The following GLRA2 variants were observed in gnomAD, a reference collection of about 807,000 sequenced individuals.
GLRA2 encodes glycine receptor subunit alpha-2.
In GLRA2, 11 loss-of-function variants were observed where a neutral mutation model predicts 31.6. That is an observed-to-expected ratio of 0.35 (90% confidence interval 0.22 to 0.58). The LOEUF (loss-of-function observed/expected upper bound fraction) is 0.58. Among genes scored for constraint, GLRA2 ranks in the 20% least tolerant of loss-of-function variants. GLRA2 has a pLI of 0.84. For missense variants in GLRA2, 212 were observed against 351.8 expected, an observed-to-expected ratio of 0.60 and a Z score of 3.18; for synonymous variants, 132 against 134.0, an observed-to-expected ratio of 0.99 and a Z score of 0.10.
chrX:14,681,511 T>C (rs951697331), intron 7 of GLRA2, among the ~76,000 whole-genome samples: 1 of 111,188 alleles, frequency 9.0e-6, no homozygotes, highest in Non-Finnish European at 1.9e-5. Flanking sequence ...GTGCTGGTGA[T>C]ACAAAGTAAT....
the GLRA2 span, among the ~76,000 whole-genome samples, chrX:14,507,088 A>G: frequency 8.9e-6 from 1 of 112,127 alleles, no homozygotes; most frequent in Non-Finnish European, 1.9e-5. Flanking sequence ...ATTACCTAGT[A>G]CCTGACTCAT....
At chrX:14,518,610 T>G in the GLRA2 span, among the ~76,000 whole-genome samples, 174 of 111,281 alleles carry the variant, frequency 1.6e-3, no homozygotes, top group Middle Eastern at 4.6e-3. Context: ...CTCATTCAAT[T>G]TATGTACTGT....
intron 8 of GLRA2, among the ~76,000 whole-genome samples, chrX:14,724,408 C>G (rs774881295): frequency 9.2e-6 from 1 of 109,076 alleles, no homozygotes; most frequent in African/African-American, 3.3e-5. Context: ...GGTGCATCAC[C>G]GGAAGTCAGG....
chrX:14,460,201 C>T, the GLRA2 span, among the ~76,000 whole-genome samples: 1 of 111,706 alleles, frequency 9.0e-6, no homozygotes, highest in Non-Finnish European at 1.9e-5. Flanking sequence ...TTGTACCAGC[C>T]TTGTATCCCA....
At chrX:14,633,248 C>T (rs191658377) in intron 7 of GLRA2, among the ~76,000 whole-genome samples, 4 of 111,993 alleles carry the variant, frequency 3.6e-5, no homozygotes. Flanking sequence ...ATAATCCCAG[C>T]ACTTTGGGAG....
At chrX:14,722,219 G>T (rs1415930925) in intron 8 of GLRA2, among the ~76,000 whole-genome samples, 1 of 111,914 alleles carries the variant, frequency 8.9e-6, no homozygotes, top group Non-Finnish European at 1.9e-5. Flanking sequence ...GTGGTTCGGG[G>T]TCTCTCCTCT....
chrX:14,609,791 C>T (rs2090378630), intron 7 of GLRA2, among the ~76,000 whole-genome samples: 1 of 110,542 alleles, frequency 9.0e-6, no homozygotes, highest in Non-Finnish European at 1.9e-5. Context: ...ACACAGTTAC[C>T]CAGAGAAGGA....
upstream of GLRA2, among the ~76,000 whole-genome samples, chrX:14,529,098 ACTC>A (rs2089218854): frequency 9.0e-6 from 1 of 110,895 alleles, no homozygotes; most frequent in Non-Finnish European, 1.9e-5. Context: ...TCGGCACAGG[ACTC>A]CTCTTTGCCT....
At chrX:14,601,009 T>TTG (rs1556020384) in intron 4 of GLRA2, among the ~76,000 whole-genome samples, 2 of 108,411 alleles carry the variant, frequency 1.8e-5, no homozygotes, top group Non-Finnish European at 3.8e-5. Flanking sequence ...TTGTTTTTTT[T>TTG]TTTGTTTGTT....
intron 2 of GLRA2, among the ~76,000 whole-genome samples, chrX:14,539,036 G>A (rs931411393): frequency 4.5e-5 from 5 of 111,227 alleles, no homozygotes; most frequent in Non-Finnish European, 9.5e-5. Context: ...TATAGACCTT[G>A]CTGGTCCTCC....
the GLRA2 span, among the ~76,000 whole-genome samples, chrX:14,515,797 A>C: frequency 9.0e-6 from 1 of 111,525 alleles, no homozygotes; most frequent in Non-Finnish European, 1.9e-5. Context: ...GCTCTTACTC[A>C]TGAGGTCCTT....
In GLRA2 at chrX:14,731,412, G is replaced by A. The variant is rs1301906945; in HGVS notation, c.*927G>A. ...TAGTCATTGCAGCTACTCAGCTACA[G>A]TATTTATGGAGATGGTGTGTCCTGA... On this transcript the variant is annotated 3_prime_UTR_variant, in exon 9 of 9. Coordinates refer to ENST00000218075, the MANE Select transcript of GLRA2 (RefSeq NM_002063.4). 8.9e-6 allele frequency: 1 copy of A among 111,873 alleles called. No homozygotes were observed. The highest frequency in any genetic ancestry group is 1.9e-5 in the Non-Finnish European group (1 of 53,195). 9.2% of individuals were successfully genotyped at this position (111,873 alleles called of 1,213,427 possible). A position where few individuals can be genotyped will look rare whatever the true frequency, so the allele number is the denominator to read the frequency against.
At chrX:14,577,904 T>C (rs113170800) in intron 3 of GLRA2, among the ~76,000 whole-genome samples, 3 of 111,754 alleles carry the variant, frequency 2.7e-5, no homozygotes, top group African/African-American at 9.8e-5. Context: ...CTCAGAAAAA[T>C]TGGTCAAAAA....
the GLRA2 span, among the ~76,000 whole-genome samples, chrX:14,520,556 C>T: frequency 5.3e-5 from 6 of 112,213 alleles, no homozygotes; most frequent in Non-Finnish European, 9.4e-5. Context: ...ACATTGAACA[C>T]TAATAAGCAG....
chrX:14,471,083 T>C, the GLRA2 span, among the ~76,000 whole-genome samples: 1 of 111,745 alleles, frequency 8.9e-6, no homozygotes, highest in Non-Finnish European at 1.9e-5. Context: ...CCCAAATGGC[T>C]TAAGGACAAA....
At chrX:14,532,501 TG>T (rs1235055918) in intron 2 of GLRA2, 129 bp downstream of exon 2, 1 of 379,196 alleles carries the variant, frequency 2.6e-6, no homozygotes, top group African/African-American at 2.6e-5. Flanking sequence ...CATTTTATTT[TG>T]GTATTCTTTT....
rs752128593 is a variant in GLRA2, at chrX:14,730,884, T to C, written c.*399T>C. On this transcript the variant is annotated 3_prime_UTR_variant, in exon 9 of 9. Coordinates refer to ENST00000218075, the MANE Select transcript of GLRA2 (RefSeq NM_002063.4). ...TTTGACTAATTCTGGTACTGAAAAG[T>C]TAGCTATACACACACACACACACAC... 73 of 143,034 alleles carry C rather than the reference T, an allele frequency of 5.1e-4. 1 individual carries two copies. The highest frequency in any genetic ancestry group is 2.7e-3 in the African/African-American group (70 of 26,102). The allele number at this position is 143,034 out of a possible 1,213,427, so 11.8% of individuals were successfully genotyped here.
the GLRA2 span, among the ~76,000 whole-genome samples, chrX:14,486,830 T>C: frequency 8.9e-6 from 1 of 112,038 alleles, no homozygotes; most frequent in Admixed American, 9.5e-5. Context: ...GCATACAGTA[T>C]AATTCTATTT....
chrX:14,531,228 T>C, intron 1 of GLRA2: 4 of 702,933 alleles, frequency 5.7e-6, no homozygotes, highest in Non-Finnish European at 7.9e-6. Flanking sequence ...ACAAAATATT[T>C]ATATCATCTT....
Sources: gnomAD v4.1 joint callset for allele counts (sites outside exome capture counted in the v4.1 genomes callset) on GRCh38, gnomAD v4.1.1 for gene constraint, MANE v1.5 for transcripts, NCBI Gene and HGNC (gene_info 2026-07-23, HGNC 2026-07-21) for gene names.